AHNAK: variants seen among roughly 807,000 people sequenced by gnomAD.
AHNAK encodes the protein AHNAK nucleoprotein.
AHNAK carries 23 observed loss-of-function variants against 37.8 expected under a neutral mutation model. The observed-to-expected ratio is 0.61, with a 90% CI of 0.44 to 0.86. AHNAK has a LOEUF of 0.86. Among genes scored for constraint, AHNAK ranks in the 40% least tolerant of loss-of-function variants. The pLI, the probability that AHNAK is intolerant of heterozygous loss-of-function variation, is 0.00. For missense variants in AHNAK, 7,411 were observed against 7,319.4 expected (o/e 1.01, Z -0.46); for synonymous variants, 2,481 against 2,636.3 (o/e 0.94, Z 1.80).
In AHNAK at chr11:62,518,153, C is replaced by A; in HGVS notation, c.16264G>T (p.Val5422Phe). Residue 5422 changes from valine to phenylalanine, a missense_variant, in exon 5 of 5, where the codon GTC (valine) becomes TTC (phenylalanine). Physicochemically the swap from Val to Phe is conservative, Grantham distance 50. Transcript: ENST00000378024. The part of the protein sequence containing the change: ...GISTPGSDLH[V>F]NAKGPQVSGE... ...GAAACCTGTGGCCCCTTGGCATTGACGTGCAAGTCGGACCCCGGAGTAGAG... is the reference window on the plus strand; with the variant it reads ...GAAACCTGTGGCCCCTTGGCATTGAAGTGCAAGTCGGACCCCGGAGTAGAG... 2 of 1,614,146 alleles carry A rather than the reference C, an allele frequency of 1.2e-6. No homozygotes were observed. The highest frequency in any genetic ancestry group is 1.7e-6 in the Non-Finnish European group (2 of 1,180,016).
chr11:62,519,209 C>T lies in AHNAK; in HGVS notation c.15208G>A (p.Ala5070Thr), dbSNP rs571683165. ...VDVNIAGPDA[A>T]LKVDVKSPKT... ...GGCGATTTCACGTCGACTTTGAGTG[C>T]AGCATCCGGCCCTGCGATGTTGACA... Residue 5070 changes from alanine to threonine, a missense_variant, in exon 5 of 5, where the codon GCA becomes ACA. Ala to Thr is a moderately conservative substitution (Grantham distance 58). Coordinates refer to ENST00000378024, the MANE Select transcript of AHNAK (RefSeq NM_001620.3). 6.8e-6 allele frequency: 11 copies of T among 1,612,930 alleles called. No individual in the cohort carries two copies. In the South Asian group the frequency reaches 1.1e-4, roughly 16 times the overall value.
chr11:62,474,224 G>A (rs1370194607), intron 5 of AHNAK, among the ~76,000 whole-genome samples: 28 of 146,256 alleles, frequency 1.9e-4, no homozygotes, highest in African/African-American at 4.8e-4. Flanking sequence ...TCGCTCTGTT[G>A]CCCAGGCTGG....
chr11:62,490,197 C>CTTTTTTTTTTTTT (rs944550481), intron 5 of AHNAK, among the ~76,000 whole-genome samples: 9 of 115,932 alleles, frequency 7.8e-5, no homozygotes, highest in African/African-American at 1.3e-4. Flanking sequence ...TTTTCTTTTT[C>CTTTTTTTTTTTTT]TTTTTTTTTT....
intron 1 of AHNAK, among the ~76,000 whole-genome samples, chr11:62,540,774 G>A (rs1298292841): frequency 6.6e-6 from 1 of 152,260 alleles, no homozygotes; most frequent in Admixed American, 6.5e-5. Context: ...CAGCTGCAAA[G>A]GTGAGAGCAC....
rs1421617667 is a variant in AHNAK at position 62,529,263 on chromosome 11, G to C, written c.5154C>G (p.Pro1718=). Residue 1718 remains proline (P), a synonymous_variant, in exon 5 of 5, where the codon CCC becomes CCG. Coordinates refer to ENST00000378024, the MANE Select transcript of AHNAK (RefSeq NM_001620.3). The part of the protein sequence containing the change: ...WHLKMPKMKM[P]KFSMPGFKAE... ...CTTTGAAGCCAGGCATACTGAACTTGGGCATTTTCATCTTGGGCATTTTCA... is the reference window on the plus strand; with the variant it reads ...CTTTGAAGCCAGGCATACTGAACTTCGGCATTTTCATCTTGGGCATTTTCA... The C allele has an allele frequency of 6.2e-7, 1 of 1,614,124 alleles. No homozygotes were observed. The highest frequency in any genetic ancestry group is 1.7e-5 in the Admixed American group (1 of 60,016).
In AHNAK at chr11:62,517,304, C is replaced by T. The variant is rs140729388; in HGVS notation, c.17113G>A (p.Val5705Ile). Residue 5705 changes from valine (V) to isoleucine (I), a missense_variant, in exon 5 of 5, where the codon GTC (valine) becomes ATC (isoleucine). Val to Ile is a conservative substitution (Grantham distance 29). Coordinates refer to ENST00000378024, the MANE Select transcript of AHNAK (RefSeq NM_001620.3). ...TTGATCTTGGACTTTTTCAGTTTGA[C>T]TTCAGACTCTTCCCACTCGCCGTCT... is the stretch of plus-strand genomic sequence containing the variant. Reference protein sequence around the residue: ...AGDGEWEESEVKLKKSKIKMP... With the variant: ...AGDGEWEESEIKLKKSKIKMP... 2.2e-4 allele frequency: 361 copies of T among 1,614,146 alleles called. 6 individuals carry two copies. In the South Asian group the frequency reaches 3.0e-3, roughly 13 times the overall value.
At chr11:62,500,160 A>G (rs1159305576) in intron 4 of AHNAK, among the ~76,000 whole-genome samples, 1 of 152,238 alleles carries the variant, frequency 6.6e-6, no homozygotes, top group Non-Finnish European at 1.5e-5. Context: ...AGTTGTATCC[A>G]CGCAATTAAG....
intron 5 of AHNAK, among the ~76,000 whole-genome samples, chr11:62,463,912 C>T (rs1278214953): frequency 3.4e-5 from 5 of 148,714 alleles, no homozygotes; most frequent in East Asian, 2.0e-4. Context: ...TACAGGCGCC[C>T]GCCACCACGC....
intron 5 of AHNAK, among the ~76,000 whole-genome samples, chr11:62,478,643 G>A (rs1222951906): frequency 6.6e-6 from 1 of 151,022 alleles, no homozygotes; most frequent in African/African-American, 2.4e-5. Flanking sequence ...AGCTACTCAG[G>A]AGACTGAGGT....
intron 1 of AHNAK, among the ~76,000 whole-genome samples, chr11:62,542,849 C>T (rs1941175264): frequency 6.6e-6 from 1 of 152,216 alleles, no homozygotes; most frequent in African/African-American, 2.4e-5. Context: ...AACGCTTGGT[C>T]TTGCCCTGTG....
At chr11:62,440,707 G>A (rs888537613) in intron 5 of AHNAK, among the ~76,000 whole-genome samples, 3 of 152,178 alleles carry the variant, frequency 2.0e-5, no homozygotes, top group Non-Finnish European at 2.9e-5. Context: ...GAGATCTGCA[G>A]AGAGCCAGAG....
rs199977563 is a variant in AHNAK at position 62,530,132 on chromosome 11, C to T, written c.4285G>A (p.Gly1429Ser). Residue 1429 changes from glycine (G) to serine (S), a missense_variant, in exon 5 of 5, where the codon GGT becomes AGT. Physicochemically the swap from Gly to Ser is moderately conservative, Grantham distance 56. Coordinates refer to ENST00000378024, the MANE Select transcript of AHNAK (RefSeq NM_001620.3). The part of the protein sequence containing the change: ...DAEVPDVNIE[G>S]PDAKLKGPKF... ...GGACCTTTTAGTTTTGCGTCTGGAC[C>T]TTCAATATTCACATCTGGAACTTCA... is the stretch of plus-strand genomic sequence containing the variant. 2 of 1,614,074 alleles carry T rather than the reference C, an allele frequency of 1.2e-6. No homozygotes were observed. The highest frequency in any genetic ancestry group is 1.1e-5 in the South Asian group (1 of 91,084).
rs2134224512 is a variant in AHNAK at position 62,527,463 on chromosome 11, A to G, written c.6954T>C (p.Asp2318=). Residue 2318 remains aspartate, a synonymous_variant, in exon 5 of 5, where the codon GAT becomes GAC. Coordinates refer to ENST00000378024, the MANE Select transcript of AHNAK (RefSeq NM_001620.3). ...KTPKISMPDV[D]FNLKGPKIKG... ...TGATTTTGGGTCCCTTTAAATTGAA[A>G]TCAACATCAGGCATGGAGATCTTGG... The G allele has an allele frequency of 6.2e-7, 1 of 1,614,020 alleles. No homozygotes were observed. Among genetic ancestry groups the G allele is most frequent in the Non-Finnish European group, 8.5e-7 (1 of 1,179,988 alleles).
In AHNAK at chr11:62,526,890, C is replaced by A. The variant is rs755383212; in HGVS notation, c.7527G>T (p.Lys2509Asn). The A allele has an allele frequency of 1.1e-5, 17 of 1,614,208 alleles. No homozygotes were observed. The highest frequency in any genetic ancestry group is 1.4e-5 in the Non-Finnish European group (17 of 1,180,038). The stretch of plus-strand genomic sequence containing the variant: ...ACTTGGGCATTTTCATCTTGGGCAT[C>A]TTCAGGTGCCAGTCTGGAGCTTGGA... ...PDVQAPDWHL[K>N]MPKMKMPKFS... The change falls in exon 5 of 5, where the codon AAG (lysine) becomes AAT (asparagine). Residue 2509 changes from lysine to asparagine, a missense_variant. Physicochemically the swap from Lys to Asn is moderately conservative, Grantham distance 94 (BLOSUM62 0). Coordinates refer to ENST00000378024, the MANE Select transcript of AHNAK (RefSeq NM_001620.3).
chr11:62,493,281 T>C (rs1304550250), intron 4 of AHNAK, among the ~76,000 whole-genome samples: 2 of 151,620 alleles, frequency 1.3e-5, no homozygotes, highest in Admixed American at 6.6e-5. Context: ...CACAAAGTGC[T>C]GGGATTACAA....
chr11:62,438,877 G>A (rs531292883), intron 5 of AHNAK, among the ~76,000 whole-genome samples: 3 of 152,168 alleles, frequency 2.0e-5, no homozygotes, highest in Admixed American at 6.5e-5. Flanking sequence ...AATCATGACC[G>A]GCTCACATGA....
intron 5 of AHNAK, among the ~76,000 whole-genome samples, chr11:62,459,256 A>T (rs555262339): frequency 6.6e-6 from 1 of 152,152 alleles, no homozygotes; most frequent in Non-Finnish European, 1.5e-5. Flanking sequence ...CACATGAAAA[A>T]ATCAAATCAG....
chr11:62,433,690 A>T (rs534994967), exon 6 of AHNAK: 2 of 661,176 alleles, frequency 3.0e-6, no homozygotes, highest in South Asian at 3.8e-5. Flanking sequence ...CTTATGCAGC[A>T]GCCCTCGGTC....
chr11:62,442,383 A>G (rs1204226475), intron 5 of AHNAK, among the ~76,000 whole-genome samples: 1 of 152,048 alleles, frequency 6.6e-6, no homozygotes, highest in African/African-American at 2.4e-5. Context: ...TCCTATCTCT[A>G]TGAAAAATAC....
Sources: allele counts gnomAD v4.1 joint callset (sites outside exome capture counted in the v4.1 genomes callset), GRCh38; gene constraint gnomAD v4.1.1; transcripts MANE v1.5; gene names NCBI Gene and HGNC (gene_info 2026-07-23, HGNC 2026-07-21).